NKIRAS1: variants seen among roughly 807,000 people sequenced by gnomAD.
NKIRAS1 encodes the protein NFKB inhibitor interacting Ras like 1, also known as NF-kappa-B inhibitor-interacting Ras-like protein 1.
NKIRAS1 carries 16 observed loss-of-function variants against 19.8 expected under a neutral mutation model. The ratio of observed to expected loss-of-function variants is 0.81; its 90% CI spans 0.55 to 1.23. The LOEUF (loss-of-function observed/expected upper bound fraction) is 1.23. Ranked by LOEUF, NKIRAS1 falls within the 50% of genes most tolerant of loss-of-function variation. NKIRAS1 has a pLI of 0.00. For missense variants in NKIRAS1, 184 were observed against 220.0 expected (o/e 0.84, Z 1.04); for synonymous variants, 88 against 79.0 (o/e 1.11, Z -0.61).
chr3:23,945,933 A>G (rs962491790), intron 1 of NKIRAS1, among the ~76,000 whole-genome samples: 1 of 146,288 alleles, frequency 6.8e-6, no homozygotes, highest in African/African-American at 2.5e-5. Flanking sequence ...GGCATTACAT[A>G]ATGGGCGCTG....
chr3:23,928,100 C>CCACA (rs66482461), intron 1 of NKIRAS1, among the ~76,000 whole-genome samples: 18,405 of 146,054 alleles, frequency 0.13, 1,693 homozygotes, highest in African/African-American at 0.26. Flanking sequence ...TCTCTACACA[C>CCACA]CACACACACA....
At chr3:23,919,552 A>T, upstream of NKIRAS1, 1 of 1,461,914 alleles carries the variant, frequency 6.8e-7, no homozygotes, top group Non-Finnish European at 9.0e-7. Context: ...TAGGACAGTC[A>T]TGTCTGCTTA....
At chr3:23,903,335 G>A (rs1485124679) in intron 3 of NKIRAS1, among the ~76,000 whole-genome samples, 1 of 152,030 alleles carries the variant, frequency 6.6e-6, no homozygotes, top group Non-Finnish European at 1.5e-5. Flanking sequence ...GGCTGGTCTT[G>A]AACTCCTGAG....
intron 3 of NKIRAS1, among the ~76,000 whole-genome samples, chr3:23,907,911 T>TA (rs1703231767): frequency 6.6e-6 from 1 of 152,208 alleles, no homozygotes; most frequent in Non-Finnish European, 1.5e-5. Flanking sequence ...AGCCATCATT[T>TA]TTAAAAAGAA....
At chr3:23,908,624 A>T (rs1703314158) in intron 3 of NKIRAS1, among the ~76,000 whole-genome samples, 1 of 152,174 alleles carries the variant, frequency 6.6e-6, no homozygotes, top group Non-Finnish European at 1.5e-5. Flanking sequence ...GGATATAATG[A>T]GTTTATTAGT....
At chr3:23,932,738 G>A (rs911864154) in intron 1 of NKIRAS1, among the ~76,000 whole-genome samples, 1 of 151,488 alleles carries the variant, frequency 6.6e-6, no homozygotes, top group Non-Finnish European at 1.5e-5. Flanking sequence ...GAAGAAAACT[G>A]GCAGAGAAGA....
At chr3:23,894,072 G>C (rs981491518) in intron 4 of NKIRAS1, among the ~76,000 whole-genome samples, 4 of 152,112 alleles carry the variant, frequency 2.6e-5, no homozygotes, top group African/African-American at 2.4e-5. Flanking sequence ...ATACTAAAAA[G>C]GTGACTGCTA....
At chr3:23,917,845 C>T (rs751126186), upstream of NKIRAS1, 7 of 1,606,252 alleles carry the variant, frequency 4.4e-6, no homozygotes, top group East Asian at 2.2e-5. Context: ...AGTTTGATTT[C>T]ACAGGTAAGC....
intron 1 of NKIRAS1, among the ~76,000 whole-genome samples, chr3:23,931,502 G>A (rs1396052775): frequency 6.6e-6 from 1 of 152,086 alleles, no homozygotes; most frequent in Admixed American, 6.6e-5. Context: ...CCTCGTCCTT[G>A]CCCCTGGCAC....
upstream of NKIRAS1, chr3:23,918,152 A>C (rs1464919011): frequency 1.6e-6 from 2 of 1,265,254 alleles, no homozygotes; most frequent in East Asian, 5.0e-5. Context: ...GGCAGAAAAA[A>C]GCTAGCAACA....
At chr3:23,908,894 T>G (rs1703349955) in intron 3 of NKIRAS1, among the ~76,000 whole-genome samples, 1 of 151,484 alleles carries the variant, frequency 6.6e-6, no homozygotes, top group Non-Finnish European at 1.5e-5. Flanking sequence ...TTAGTGGAGA[T>G]GAGGTCTCAG....
rs1258356865 is a variant in NKIRAS1, at chr3:23,922,687, A to G, written c.-139-11237T>C. On this transcript the variant is annotated intron_variant, in intron 1 of 4. Transcript: ENST00000421515. This position sits in a 1 kb window ranked among gnomAD's most constrained non-coding sequence, Gnocchi z 4.2. ...AGGTGTCAGCCACTGCACGTGGCCA[A>G]CTTAAAGTTTTTGATAGATAATACA... 1 of 152,224 alleles carries G rather than the reference A, an allele frequency of 6.6e-6. No individual in the cohort carries two copies. Among genetic ancestry groups the G allele is most frequent in the Admixed American group, 6.5e-5 (1 of 15,276 alleles). 9.4% of individuals were successfully genotyped at this position (152,224 alleles called of 1,614,324 possible).
intron 1 of NKIRAS1, among the ~76,000 whole-genome samples, chr3:23,945,838 A>C (rs1222684367): frequency 2.0e-5 from 3 of 149,450 alleles, no homozygotes; most frequent in Non-Finnish European, 4.5e-5. Context: ...CCCCCCTCAC[A>C]TGGCCCGGCC....
chr3:23,927,815 A>C lies in NKIRAS1; in HGVS notation c.-139-16365T>G, dbSNP rs985529065. Reference sequence around the variant, plus strand: ...CATCCAAGGCTGGGCATGGTGGCTCATACCTGTAATCCTAGAAATTTGGGA... The same window carrying C: ...CATCCAAGGCTGGGCATGGTGGCTCCTACCTGTAATCCTAGAAATTTGGGA... On this transcript the variant is annotated intron_variant, in intron 1 of 4. Transcript: ENST00000421515. The surrounding 1 kb of genome is among the most constrained non-coding windows in gnomAD (Gnocchi z 4.0). 1.3e-5 allele frequency among the ~76,000 whole-genome samples: 2 copies of C among 152,158 alleles called. No individual in the cohort carries two copies. The highest frequency in any genetic ancestry group is 2.4e-5 in the African/African-American group (1 of 41,426).
chr3:23,931,562 G>C (rs1705315969), intron 1 of NKIRAS1, among the ~76,000 whole-genome samples: 1 of 152,100 alleles, frequency 6.6e-6, no homozygotes, highest in East Asian at 1.9e-4. Flanking sequence ...ATCACCATCT[G>C]ACATGCTCTT....
upstream of NKIRAS1, chr3:23,917,618 C>T (rs970882400): frequency 1.5e-5 from 7 of 464,180 alleles, no homozygotes; most frequent in African/African-American, 1.4e-4. Context: ...TCTGTTAATT[C>T]GCCCCACCAA....
intron 1 of NKIRAS1, among the ~76,000 whole-genome samples, chr3:23,944,774 GAGGGAAAGGGA>G (rs902203603): frequency 2.6e-5 from 4 of 151,336 alleles, no homozygotes; most frequent in African/African-American, 9.7e-5. Flanking sequence ...AGAGGGTGCA[GAGGGAAAGGGA>G]AGGGTCTGTG....
At chr3:23,918,073 C>G, upstream of NKIRAS1, 1 of 1,579,944 alleles carries the variant, frequency 6.3e-7, no homozygotes, top group Non-Finnish European at 8.6e-7. Context: ...AAATTATATT[C>G]GAGAAAAGTT....
intron 1 of NKIRAS1, among the ~76,000 whole-genome samples, chr3:23,911,953 G>C (rs1011160138): frequency 1.3e-5 from 2 of 151,840 alleles, no homozygotes; most frequent in Admixed American, 1.3e-4. Context: ...TAGTAGAGAC[G>C]GGGTTTCACT....
Sources: gnomAD v4.1 joint callset for allele counts (sites outside exome capture counted in the v4.1 genomes callset) on GRCh38, gnomAD v4.1.1 for gene constraint, Gnocchi (gnomAD v3.1) non-coding constraint, MANE v1.5 for transcripts, NCBI Gene and HGNC (gene_info 2026-07-23, HGNC 2026-07-21) for gene names.